The following PCDHGA1 variants were observed in gnomAD, a reference collection of about 807,000 sequenced individuals.
PCDHGA1 encodes protocadherin gamma subfamily A, 1, also known as protocadherin gamma-A1.
Under a neutral mutation model 58.0 loss-of-function variants are expected in PCDHGA1, and 32 were observed. The observed-to-expected ratio is 0.55, with a 90% CI of 0.42 to 0.74. The LOEUF is 0.74. PCDHGA1 is among the 30% of genes least tolerant of loss of function. PCDHGA1 has a pLI of 0.00. For missense variants in PCDHGA1, 1,205 were observed against 1,182.3 expected, an observed-to-expected ratio of 1.02 and a Z score of -0.28; for synonymous variants, 498 against 501.1, an observed-to-expected ratio of 0.99 and a Z score of 0.08.
At chr5:141,366,301 C>G (rs769756883) in intron 1 of PCDHGA1, 1 of 1,613,784 alleles carries the variant, frequency 6.2e-7, no homozygotes, top group Non-Finnish European at 8.5e-7. Flanking sequence ...TGTCAGCCAC[C>G]TTCACGGTCA....
chr5:141,425,742 A>T (rs1315830227), intron 1 of PCDHGA1, among the ~76,000 whole-genome samples: 1 of 152,246 alleles, frequency 6.6e-6, no homozygotes, highest in Non-Finnish European at 1.5e-5. Flanking sequence ...GTTTTCCCAC[A>T]AGGTTTTTGT....
At chr5:141,355,249 T>G in intron 1 of PCDHGA1, 1 of 1,613,288 alleles carries the variant, frequency 6.2e-7, no homozygotes, top group Non-Finnish European at 8.5e-7. Context: ...GCTCCAGATC[T>G]GCCTTCTCCT....
At position 141,431,590 on chromosome 5, in the gene PCDHGA1, G is replaced by A; in HGVS notation, c.2422-63217G>A. On this transcript the variant is annotated intron_variant, in intron 1 of 3. Transcript: ENST00000517417. The surrounding 1 kb of genome is among the most constrained non-coding windows in gnomAD (Gnocchi z 4.8). ...CTGACGAAGGAGTCAATGCGGAAGT[G>A]AGGTATTCCTTCCGGTATGTGGACG... 1.2e-6 allele frequency: 2 copies of A among 1,614,240 alleles called. No homozygotes were observed. Among genetic ancestry groups the A allele is most frequent in the South Asian group, 1.1e-5 (1 of 91,090 alleles).
At position 141,332,311 on chromosome 5, in the gene PCDHGA1, AG is replaced by A. The variant is rs750305220; in HGVS notation, c.1628del (p.Ser543ThrfsTer46). ...GCGGGACAGTGGGGATCCGCCCCTCAGCAGCAACGTGTCTCTCAGCCTATTC... is the reference window on the plus strand; with the variant it reads ...GCGGGACAGTGGGGATCCGCCCCTCACAGCAACGTGTCTCTCAGCCTATTC... ...MARDSGDPPL[S>X]SNVSLSLFLL... On this transcript the variant is annotated frameshift_variant, in exon 1 of 4. Coordinates refer to ENST00000517417, the MANE Select transcript of PCDHGA1 (RefSeq NM_018912.3). LOFTEE classifies it high-confidence loss of function. This position sits in a 1 kb window ranked among gnomAD's most constrained non-coding sequence, Gnocchi z 4.6. 2.2e-5 allele frequency: 36 copies of A among 1,614,068 alleles called. No individual in the cohort carries two copies. Among genetic ancestry groups the A allele is most frequent in the Non-Finnish European group, 3.1e-5 (36 of 1,180,038 alleles).
intron 1 of PCDHGA1, chr5:141,350,081 A>C: frequency 2.3e-6 from 1 of 438,380 alleles, no homozygotes; most frequent in Non-Finnish European, 3.9e-6. Context: ...TCAATTCTGC[A>C]GGAGCGTCAG....
chr5:141,407,497 G>GTTTTTTT (rs1554102286), intron 1 of PCDHGA1, among the ~76,000 whole-genome samples: 1 of 152,088 alleles, frequency 6.6e-6, no homozygotes, highest in African/African-American at 2.4e-5. Context: ...CTTTATTTCT[G>GTTTTTTT]TTTTTCTTAG....
intron 1 of PCDHGA1, chr5:141,400,212 C>A (rs773459521): frequency 6.2e-7 from 1 of 1,614,058 alleles, no homozygotes; most frequent in East Asian, 2.2e-5. Context: ...TGGCCTTGAT[C>A]TCAGTGCTCT....
At chr5:141,376,590 G>C (rs569935512) in intron 1 of PCDHGA1, 2 of 1,570,070 alleles carry the variant, frequency 1.3e-6, no homozygotes, top group Admixed American at 1.8e-5. Flanking sequence ...CAGCTAGATC[G>C]GCTGTTATAG....
At chr5:141,457,094 C>T (rs2098908295) in intron 1 of PCDHGA1, among the ~76,000 whole-genome samples, 1 of 152,154 alleles carries the variant, frequency 6.6e-6, no homozygotes, top group Non-Finnish European at 1.5e-5. Context: ...TATAAGGATA[C>T]TAATTAAGCA....
At chr5:141,372,234 C>G in intron 1 of PCDHGA1, 1 of 1,613,350 alleles carries the variant, frequency 6.2e-7, no homozygotes, top group Non-Finnish European at 8.5e-7. Context: ...GGCCAGCGAG[C>G]CCGGGCTGTT....
rs755457564 is a variant in PCDHGA1, at chr5:141,394,423, G to A, written c.2421+61318G>A. The stretch of plus-strand genomic sequence containing the variant: ...CAGCTACTGGTAACAGCCAGCGACA[G>A]CGGGGACCCGCCCCTCAGCAGCAAC... On this transcript the variant is annotated intron_variant, in intron 1 of 3. Coordinates refer to ENST00000517417, the MANE Select transcript of PCDHGA1 (RefSeq NM_018912.3). 2.5e-6 allele frequency: 4 copies of A among 1,614,248 alleles called. No homozygotes were observed. The Admixed American group carries it at 6.7e-5, about 27-fold the overall frequency.
chr5:141,491,379 A>G lies in PCDHGA1; in HGVS notation c.2422-3428A>G, dbSNP rs140150079. 423 of 1,613,968 alleles carry G rather than the reference A, an allele frequency of 2.6e-4. No homozygotes were observed. Among genetic ancestry groups the G allele is most frequent in the Non-Finnish European group, 3.0e-4 (359 of 1,179,986 alleles). On this transcript the variant is annotated intron_variant, in intron 1 of 3. Transcript: ENST00000517417. The surrounding 1 kb of genome is among the most constrained non-coding windows in gnomAD (Gnocchi z 6.9). ...CCCTAGTCACCTTCACCTTTCTGTC[A>G]GCGAAGTGCCTTCAGGGAAACGCAG...
intron 1 of PCDHGA1, chr5:141,376,677 T>TTTTTTTTTTG: frequency 9.5e-6 from 1 of 105,324 alleles, no homozygotes; most frequent in Non-Finnish European, 1.5e-5. Flanking sequence ...GAGGGTATCG[T>TTTTTTTTTTG]TTTTTTTTTT....
chr5:141,375,163 A>G (rs1313060581), intron 1 of PCDHGA1: 1 of 1,613,892 alleles, frequency 6.2e-7, no homozygotes, highest in South Asian at 1.1e-5. Context: ...CTGAAAGTGC[A>G]CCTCCAGGAA....
At chr5:141,374,079 C>A in intron 1 of PCDHGA1, 2 of 1,518,304 alleles carry the variant, frequency 1.3e-6, no homozygotes, top group Non-Finnish European at 1.8e-6. Flanking sequence ...CCTAATAAGC[C>A]AGTAATGGCG....
intron 1 of PCDHGA1, chr5:141,364,232 G>A: frequency 1.4e-6 from 2 of 1,395,048 alleles, no homozygotes; most frequent in Non-Finnish European, 1.9e-6. Context: ...AACGCTCCAC[G>A]CCCATTTTCG....
At chr5:141,402,947 G>A in intron 1 of PCDHGA1, 1 of 1,592,724 alleles carries the variant, frequency 6.3e-7, no homozygotes, top group South Asian at 1.1e-5. Flanking sequence ...CCAAAGCGAG[G>A]CAGCAATGGC....
At position 141,432,640 on chromosome 5, in the gene PCDHGA1, C is replaced by T. The variant is rs2097523683; in HGVS notation, c.2422-62167C>T. On this transcript the variant is annotated intron_variant, in intron 1 of 3. Transcript: ENST00000517417. This position sits in a 1 kb window ranked among gnomAD's most constrained non-coding sequence, Gnocchi z 6.0. ...TGGGTCTGCACACGGGCGAGGTGCG[C>T]ACGGCGCGAGCCCTGCTGGACAGAG... 1.9e-6 allele frequency: 3 copies of T among 1,613,814 alleles called. No individual in the cohort carries two copies. The highest frequency in any genetic ancestry group is 2.5e-6 in the Non-Finnish European group (3 of 1,179,932).
intron 1 of PCDHGA1, chr5:141,343,247 A>C (rs777842621): frequency 1.1e-4 from 100 of 925,564 alleles, no homozygotes; most frequent in Non-Finnish European, 1.3e-4. Context: ...CAAATATCGA[A>C]ACTAAGTTAT....
Sources: gnomAD v4.1 joint callset for allele counts (sites outside exome capture counted in the v4.1 genomes callset) on GRCh38, gnomAD v4.1.1 for gene constraint, Gnocchi (gnomAD v3.1) non-coding constraint, MANE v1.5 for transcripts, NCBI Gene and HGNC (gene_info 2026-07-23, HGNC 2026-07-21) for gene names.